Variants in IGF2R observed in about 807,000 individuals in gnomAD.
IGF2R encodes cation-independent mannose-6-phosphate receptor.
IGF2R carries 91 observed loss-of-function variants against 270.6 expected under a neutral mutation model. That is an observed-to-expected ratio of 0.34 (90% CI 0.28 to 0.40). The LOEUF (loss-of-function observed/expected upper bound fraction) is 0.40, where lower values mean the gene tolerates loss of function less well. Among genes scored for constraint, IGF2R ranks in the 10% least tolerant of loss-of-function variants. The pLI, the probability that IGF2R is intolerant of heterozygous loss-of-function variation, is 1.00. For missense variants in IGF2R, 2,805 were observed against 3,188.3 expected, an observed-to-expected ratio of 0.88 and a Z score of 2.90; for synonymous variants, 1,316 against 1,258.9, an observed-to-expected ratio of 1.05 and a Z score of -0.96.
chr6:160,044,471 A>AT, intron 12 of IGF2R, 43 bp from the exon 13 acceptor site: 3 of 1,469,152 alleles, frequency 2.0e-6, no homozygotes, highest in Non-Finnish European at 2.8e-6. Context: ...CGTGATGATC[A>AT]TTTTTAACCA....
intron 10 of IGF2R, among the ~76,000 whole-genome samples, chr6:160,035,856 G>A (rs961178391): frequency 6.6e-6 from 1 of 152,184 alleles, no homozygotes; most frequent in Non-Finnish European, 1.5e-5. Context: ...GAGGCACCGA[G>A]GTCAGCTGGC....
intron 42 of IGF2R, 65 bp downstream of exon 42, chr6:160,088,212 G>A: frequency 9.6e-7 from 1 of 1,039,946 alleles, no homozygotes; most frequent in African/African-American, 1.6e-5. Context: ...TTCCTCCTTG[G>A]GGTTTTCATG....
intron 8 of IGF2R, 21 bp downstream of exon 8, chr6:160,032,734 T>G: frequency 1.2e-6 from 2 of 1,611,204 alleles, no homozygotes; most frequent in Non-Finnish European, 1.7e-6. Context: ...GCTTTCTGCC[T>G]CCTGGCGCTG....
chr6:160,044,418 CTTTCTCTTTCTTTCT>C (rs1445695970), intron 12 of IGF2R, 81 bp from the exon 13 acceptor site: 1 of 1,113,188 alleles, frequency 9.0e-7, no homozygotes, highest in African/African-American at 1.6e-5. Flanking sequence ...TTCTTTCTTT[CTTTCTCTTTCTTTCT>C]TTTTTTTTTA....
intron 1 of IGF2R, among the ~76,000 whole-genome samples, chr6:159,973,345 G>T (rs544883058): frequency 6.6e-6 from 1 of 152,346 alleles, no homozygotes; most frequent in East Asian, 1.9e-4. Context: ...GGTCTTAGCA[G>T]TGTGCATTAA....
rs939293106 is a variant in IGF2R, at chr6:160,050,497, A to G, written c.2539A>G (p.Ile847Val). The G allele has an allele frequency of 2.5e-6, 4 of 1,613,202 alleles. No homozygotes were observed. Among genetic ancestry groups the G allele is most frequent in the African/African-American group, 2.7e-5 (2 of 75,056 alleles). The change falls in exon 19 of 48, where the codon ATC (isoleucine) becomes GTC (valine). Residue 847 changes from isoleucine (I) to valine (V), a missense_variant. This residue lies in a region of IGF2R where 1,851 missense variants were observed against 2,207.2 expected (regional missense o/e 0.84). Transcript: ENST00000356956. This position sits in a 1 kb window ranked among gnomAD's most constrained non-coding sequence, Gnocchi z 4.0. ...DQGSFTEVVS[I>V]SNLGMAKTGP... ...GGGCTCCTTCACTGAAGTGGTTTCC[A>G]TCAGTAACTTGGGAATGGCAAAGAC...
At chr6:159,981,559 A>G (rs981578157) in intron 1 of IGF2R, among the ~76,000 whole-genome samples, 1 of 152,190 alleles carries the variant, frequency 6.6e-6, no homozygotes, top group Admixed American at 6.5e-5. Flanking sequence ...TTCAAATGAA[A>G]GCTTTAGATC....
Position 160,073,297 on chromosome 6 carries a change from A to G in IGF2R, c.4775A>G (p.Tyr1592Cys). 2 of 1,614,258 alleles carry G rather than the reference A, an allele frequency of 1.2e-6. No individual in the cohort carries two copies. Among genetic ancestry groups the G allele is most frequent in the African/African-American group, 1.3e-5 (1 of 75,070 alleles). The change falls in exon 34 of 48, where the codon TAC becomes TGC. Residue 1592 changes from tyrosine (Y) to cysteine (C), a missense_variant. This residue lies in a region of IGF2R where 1,851 missense variants were observed against 2,207.2 expected (regional missense o/e 0.84). Coordinates refer to ENST00000356956, the MANE Select transcript of IGF2R (RefSeq NM_000876.4). The part of the protein sequence containing the change: ...RYVDQVLQLV[Y>C]KDGSPCPSKS... ...GTGGACCAGGTCCTGCAGCTGGTGT[A>G]CAAGGATGGGTCCCCTTGTCCCTCC... is the stretch of plus-strand genomic sequence containing the variant.
intron 7 of IGF2R, among the ~76,000 whole-genome samples, chr6:160,030,437 GT>G (rs2115230338): frequency 6.6e-6 from 1 of 152,316 alleles, no homozygotes. Flanking sequence ...AGCTGGCCTG[GT>G]GTGTGTGGGA....
At chr6:160,012,759 ATATATT>A (rs1181482531) in intron 4 of IGF2R, among the ~76,000 whole-genome samples, 16 of 71,664 alleles carry the variant, frequency 2.2e-4, no homozygotes, top group Admixed American at 1.1e-3. Context: ...ATATATATAT[ATATATT>A]TTTTTTTTTT....
chr6:160,077,856 G>A (rs1318288455), intron 36 of IGF2R, among the ~76,000 whole-genome samples: 1 of 152,226 alleles, frequency 6.6e-6, no homozygotes, highest in Non-Finnish European at 1.5e-5. Context: ...GTAGATTGGA[G>A]CACTTGTGAG....
rs1778221839 is a variant in IGF2R at position 160,052,511 on chromosome 6, A to C, written c.2694+1859A>C. 2.6e-5 allele frequency among the ~76,000 whole-genome samples: 4 copies of C among 152,324 alleles called. No homozygotes were observed. In the South Asian group the frequency reaches 8.3e-4, roughly 32 times the overall value. ...GTCATGAAAATGGCCATACTGCCCA[A>C]AGTAATTTGTAGATTCAATACCATC... On this transcript the variant is annotated intron_variant, in intron 19 of 47. Coordinates refer to ENST00000356956, the MANE Select transcript of IGF2R (RefSeq NM_000876.4).
At position 160,105,495 on chromosome 6, in the gene IGF2R, T is replaced by C. The variant is rs1275512705; in HGVS notation, c.*411T>C. ...TATTGACTTTGACAATTACTCAGGTTTGAGAAAAAGGAAAAAAAAACAGCC... is the reference window on the plus strand; with the variant it reads ...TATTGACTTTGACAATTACTCAGGTCTGAGAAAAAGGAAAAAAAAACAGCC... On this transcript the variant is annotated 3_prime_UTR_variant, in exon 48 of 48. Coordinates refer to ENST00000356956, the MANE Select transcript of IGF2R (RefSeq NM_000876.4). 1 of 157,702 alleles carries C rather than the reference T, an allele frequency of 6.3e-6. No individual in the cohort carries two copies. Among genetic ancestry groups the C allele is most frequent in the Non-Finnish European group, 1.4e-5 (1 of 71,756 alleles). The allele number at this position is 157,702 out of a possible 1,614,324, so 9.8% of individuals were successfully genotyped here. A position where few individuals can be genotyped will look rare whatever the true frequency, so the allele number is the denominator to read the frequency against.
intron 7 of IGF2R, among the ~76,000 whole-genome samples, chr6:160,030,364 G>T (rs570495563): frequency 6.6e-6 from 1 of 152,228 alleles, no homozygotes; most frequent in African/African-American, 2.4e-5. Context: ...GAATTCTTTT[G>T]CCAGAGAACC....
intron 20 of IGF2R, among the ~76,000 whole-genome samples, chr6:160,057,595 G>A (rs1308807796): frequency 1.3e-5 from 2 of 152,196 alleles, no homozygotes; most frequent in African/African-American, 2.4e-5. Flanking sequence ...AATATGGAGA[G>A]GAGAGGATAT....
intron 33 of IGF2R, 42 bp downstream of exon 33, chr6:160,072,926 C>G: frequency 1.3e-6 from 2 of 1,574,626 alleles, no homozygotes; most frequent in Non-Finnish European, 1.7e-6. Context: ...ACTCTCCCGT[C>G]CTCTGGGGTT....
chr6:160,021,367 C>T (rs532252925), intron 4 of IGF2R, among the ~76,000 whole-genome samples: 1 of 145,560 alleles, frequency 6.9e-6, no homozygotes, highest in East Asian at 2.0e-4. Flanking sequence ...ATCGTATGTT[C>T]TCACTCATAG....
intron 41 of IGF2R, among the ~76,000 whole-genome samples, chr6:160,086,608 T>C (rs1392602541): frequency 6.6e-6 from 1 of 152,180 alleles, no homozygotes; most frequent in Non-Finnish European, 1.5e-5. Context: ...AGTTTTTTCT[T>C]GTTTGATCCC....
intron 1 of IGF2R, among the ~76,000 whole-genome samples, chr6:159,979,774 A>T (rs1246900630): frequency 6.6e-6 from 1 of 151,978 alleles, no homozygotes; most frequent in Non-Finnish European, 1.5e-5. Context: ...AGCCATTGGG[A>T]GAATGGAGGG....
Sources: allele counts gnomAD v4.1 joint callset (sites outside exome capture counted in the v4.1 genomes callset), GRCh38; gene constraint gnomAD v4.1.1; regional missense constraint gnomAD v4.1.1; non-coding constraint Gnocchi (gnomAD v3.1); transcripts MANE v1.5; gene names NCBI Gene and HGNC (gene_info 2026-07-23, HGNC 2026-07-21).